Variants in ASAP1 observed in about 807,000 individuals in gnomAD.
The protein encoded by ASAP1 is ArfGAP with SH3 domain, ankyrin repeat and PH domain 1.
Under a neutral mutation model 145.2 loss-of-function variants are expected in ASAP1, and 43 were observed. That is an observed-to-expected ratio of 0.30 (90% CI 0.23 to 0.38). The LOEUF is 0.38. Among genes scored for constraint, ASAP1 ranks in the 10% least tolerant of loss-of-function variants. ASAP1 has a pLI of 1.00. For missense variants in ASAP1, 1,018 were observed against 1,355.3 expected, an observed-to-expected ratio of 0.75 and a Z score of 3.91; for synonymous variants, 546 against 515.5, an observed-to-expected ratio of 1.06 and a Z score of -0.80.
chr8:130,137,656 A>G (rs2097598144), intron 13 of ASAP1, among the ~76,000 whole-genome samples: 2 of 152,240 alleles, frequency 1.3e-5, no homozygotes, highest in Admixed American at 1.3e-4. Flanking sequence ...AATGACAATT[A>G]CTACCTGTGA....
intron 2 of ASAP1, among the ~76,000 whole-genome samples, chr8:130,377,940 C>T (rs185396720): frequency 7.9e-5 from 12 of 152,378 alleles, no homozygotes; most frequent in South Asian, 2.1e-4. Context: ...TCGGATTACC[C>T]TATTTCCAGT....
At chr8:130,194,165 G>T (rs1253758019) in intron 5 of ASAP1, among the ~76,000 whole-genome samples, 2 of 152,116 alleles carry the variant, frequency 1.3e-5, no homozygotes, top group African/African-American at 4.8e-5. Flanking sequence ...ACTAGTCAAT[G>T]AAAAGGCTAC....
At chr8:130,433,674 A>G (rs1830212938) in intron 1 of ASAP1, among the ~76,000 whole-genome samples, 1 of 152,224 alleles carries the variant, frequency 6.6e-6, no homozygotes, top group Non-Finnish European at 1.5e-5. Flanking sequence ...TTAAAAGTGA[A>G]TTCACTCTTT....
At chr8:130,166,772 A>G (rs1303786622) in intron 11 of ASAP1, among the ~76,000 whole-genome samples, 1 of 152,224 alleles carries the variant, frequency 6.6e-6, no homozygotes, top group Non-Finnish European at 1.5e-5. Flanking sequence ...GCATTCATCC[A>G]GCCTCTACCA....
intron 3 of ASAP1, among the ~76,000 whole-genome samples, chr8:130,286,374 T>C (rs1195021719): frequency 6.9e-6 from 1 of 145,720 alleles, no homozygotes. Context: ...GTATATGACA[T>C]TCTACTTCCA....
At chr8:130,402,673 CGA>C (rs1327187465) in intron 1 of ASAP1, among the ~76,000 whole-genome samples, 1 of 152,106 alleles carries the variant, frequency 6.6e-6, no homozygotes, top group East Asian at 1.9e-4. Flanking sequence ...GGCGAAAAAC[CGA>C]GAGACATCTC....
intron 3 of ASAP1, among the ~76,000 whole-genome samples, chr8:130,297,828 T>C (rs1198439363): frequency 6.6e-6 from 1 of 152,204 alleles, no homozygotes; most frequent in Non-Finnish European, 1.5e-5. Flanking sequence ...TCAGCCTTGA[T>C]TTATTTAACT....
At chr8:130,395,510 G>A (rs1828486201) in intron 2 of ASAP1, among the ~76,000 whole-genome samples, 1 of 152,214 alleles carries the variant, frequency 6.6e-6, no homozygotes. Flanking sequence ...GCAGGAACTG[G>A]AGTGATGAGG....
chr8:130,261,072 C>G (rs1222405404), intron 3 of ASAP1, among the ~76,000 whole-genome samples: 1 of 152,130 alleles, frequency 6.6e-6, no homozygotes, highest in East Asian at 1.9e-4. Flanking sequence ...TTACTAGTCA[C>G]AGACCCCACT....
At chr8:130,153,932 G>T (rs1378608577) in intron 12 of ASAP1, among the ~76,000 whole-genome samples, 1 of 152,170 alleles carries the variant, frequency 6.6e-6, no homozygotes, top group Admixed American at 6.6e-5. Context: ...GGTGGCTCAT[G>T]CCCGTAATCC....
At chr8:130,308,607 A>G (rs907218520) in intron 3 of ASAP1, among the ~76,000 whole-genome samples, 7 of 152,256 alleles carry the variant, frequency 4.6e-5, no homozygotes, top group Non-Finnish European at 8.8e-5. Flanking sequence ...AGGGAATCCC[A>G]AACATGGAGA....
At chr8:130,405,798 A>G (rs1829001756) in intron 1 of ASAP1, among the ~76,000 whole-genome samples, 1 of 152,264 alleles carries the variant, frequency 6.6e-6, no homozygotes, top group African/African-American at 2.4e-5. Context: ...TTGGAGACCC[A>G]TCTGATGCTC....
At chr8:130,137,930 G>C (rs981299680) in intron 13 of ASAP1, among the ~76,000 whole-genome samples, 16 of 152,222 alleles carry the variant, frequency 1.1e-4, no homozygotes, top group Admixed American at 9.2e-4. Flanking sequence ...TGAAATGTTT[G>C]AGTGCCCAGG....
intron 24 of ASAP1, among the ~76,000 whole-genome samples, chr8:130,098,069 C>G (rs1369107803): frequency 6.6e-6 from 1 of 152,148 alleles, no homozygotes; most frequent in East Asian, 1.9e-4. Flanking sequence ...TGAGCTAAAA[C>G]ACAGTATTTA....
At position 130,116,935 on chromosome 8, in the gene ASAP1, G is replaced by A. The variant is rs1294841954; in HGVS notation, c.1941C>T (p.Tyr647=). The change falls in exon 21 of 30, where the codon TAC becomes TAT. Residue 647 remains tyrosine, a synonymous_variant. Coordinates refer to ENST00000518721, the MANE Select transcript of ASAP1 (RefSeq NM_018482.4). ...GNTVLHYCSM[Y]SKPECLKLLL... ...AAAGCTTCAAACACTCAGGTTTACTGTACATACTACAGTAGTGTAGAACTG... is the reference window on the plus strand; with the variant it reads ...AAAGCTTCAAACACTCAGGTTTACTATACATACTACAGTAGTGTAGAACTG... 6.2e-7 allele frequency: 1 copy of A among 1,614,004 alleles called. No homozygotes were observed. The highest frequency in any genetic ancestry group is 1.7e-4 in the Middle Eastern group (1 of 6,060).
At chr8:130,320,582 T>G (rs564881677) in intron 3 of ASAP1, among the ~76,000 whole-genome samples, 1 of 151,990 alleles carries the variant, frequency 6.6e-6, no homozygotes, top group African/African-American at 2.4e-5. Context: ...TACATATGAA[T>G]GAGGCCTGAC....
intron 5 of ASAP1, among the ~76,000 whole-genome samples, chr8:130,206,411 A>G (rs937309841): frequency 6.6e-6 from 1 of 151,948 alleles, no homozygotes; most frequent in Non-Finnish European, 1.5e-5. Context: ...CAACCTGTAC[A>G]TTATCAGATA....
chr8:130,418,893 T>C (rs1003497227), intron 1 of ASAP1, among the ~76,000 whole-genome samples: 3 of 152,050 alleles, frequency 2.0e-5, no homozygotes, highest in Non-Finnish European at 4.4e-5. Context: ...TCTCAATCCC[T>C]GGAATCACTG....
chr8:130,184,592 T>A (rs1814591910), intron 7 of ASAP1, among the ~76,000 whole-genome samples: 1 of 152,226 alleles, frequency 6.6e-6, no homozygotes, highest in African/African-American at 2.4e-5. Context: ...CTACAAAGGG[T>A]ACCTGGTCCA....
Sources: allele counts gnomAD v4.1 joint callset (sites outside exome capture counted in the v4.1 genomes callset), GRCh38; gene constraint gnomAD v4.1.1; transcripts MANE v1.5; gene names NCBI Gene and HGNC (gene_info 2026-07-23, HGNC 2026-07-21).